Variants in LDLRAD4 observed in about 807,000 individuals in gnomAD.
The protein encoded by LDLRAD4 is low density lipoprotein receptor class A domain containing 4.
A neutral mutation model predicts 17.0 loss-of-function variants in LDLRAD4; 5 were observed. The observed-to-expected ratio is 0.29, with a 90% CI of 0.15 to 0.62. The LOEUF (loss-of-function observed/expected upper bound fraction) is 0.62, where lower values mean the gene tolerates loss of function less well. Ranked by LOEUF, LDLRAD4 falls within the 20% of genes least tolerant of loss-of-function variation. LDLRAD4 has a pLI of 0.84. For synonymous variants in LDLRAD4, 168 were observed against 171.8 expected, an observed-to-expected ratio of 0.98 and a Z score of 0.17; for missense variants, 340 against 424.7, an observed-to-expected ratio of 0.80 and a Z score of 1.75.
At chr18:13,299,131 A>T (rs2046440182) in intron 1 of LDLRAD4, among the ~76,000 whole-genome samples, 1 of 152,150 alleles carries the variant, frequency 6.6e-6, no homozygotes, top group Non-Finnish European at 1.5e-5. Flanking sequence ...AGATCGGAGC[A>T]CCCTTCCCTG....
At chr18:13,312,681 G>T (rs895820287) in intron 1 of LDLRAD4, among the ~76,000 whole-genome samples, 1 of 152,170 alleles carries the variant, frequency 6.6e-6, no homozygotes, top group Admixed American at 6.5e-5. Context: ...GTTCCAGACT[G>T]TAGTGAGCTG....
chr18:13,263,853 T>G (rs1003291139), intron 1 of LDLRAD4, among the ~76,000 whole-genome samples: 3 of 152,152 alleles, frequency 2.0e-5, no homozygotes, highest in Admixed American at 6.5e-5. Flanking sequence ...CATGATTGGG[T>G]GGTAACTGAA....
intron 2 of LDLRAD4, among the ~76,000 whole-genome samples, chr18:13,395,460 C>T (rs546829900): frequency 1.5e-3 from 29 of 19,712 alleles, no homozygotes; most frequent in African/African-American, 6.5e-3. Flanking sequence ...TGGGGGCTGG[C>T]GTGGGGGTGG....
chr18:13,325,757 CTTTTTTTTT>C, intron 1 of LDLRAD4, among the ~76,000 whole-genome samples: 1 of 145,848 alleles, frequency 6.9e-6, no homozygotes, highest in East Asian at 2.0e-4. Flanking sequence ...AACTTTTTTC[CTTTTTTTTT>C]TTTTGAGACG....
At chr18:13,532,834 A>C (rs2094148529) in intron 3 of LDLRAD4, among the ~76,000 whole-genome samples, 1 of 152,180 alleles carries the variant, frequency 6.6e-6, no homozygotes, top group African/African-American at 2.4e-5. Context: ...GTGTGATGGC[A>C]TGCCTGGCCC....
chr18:13,297,812 A>G (rs1567979630), intron 1 of LDLRAD4, among the ~76,000 whole-genome samples: 1 of 152,222 alleles, frequency 6.6e-6, no homozygotes, highest in Non-Finnish European at 1.5e-5. Context: ...ACAAAAAATA[A>G]TAAGTCCAGT....
upstream of LDLRAD4, among the ~76,000 whole-genome samples, chr18:13,218,366 C>T (rs1461673448): frequency 6.6e-6 from 1 of 152,162 alleles, no homozygotes; most frequent in Non-Finnish European, 1.5e-5. Flanking sequence ...AGGGACTTCG[C>T]CGACCCCCAC....
intron 3 of LDLRAD4, among the ~76,000 whole-genome samples, chr18:13,619,647 A>G (rs112137993): frequency 1.1e-3 from 161 of 152,232 alleles, no homozygotes; most frequent in Admixed American, 3.9e-3. Context: ...CTTAGCGGAC[A>G]GGCCACGGGG....
chr18:13,322,760 G>A (rs2081324474), intron 1 of LDLRAD4, among the ~76,000 whole-genome samples: 1 of 149,880 alleles, frequency 6.7e-6, no homozygotes, highest in Non-Finnish European at 1.5e-5. Context: ...TGGGACTACA[G>A]GTATACACCA....
intron 1 of LDLRAD4, among the ~76,000 whole-genome samples, chr18:13,295,398 C>T (rs951345091): frequency 6.6e-6 from 1 of 152,150 alleles, no homozygotes; most frequent in Non-Finnish European, 1.5e-5. Flanking sequence ...GTGCCCGAGC[C>T]CAGGGAATAC....
intron 3 of LDLRAD4, among the ~76,000 whole-genome samples, chr18:13,606,185 A>G (rs1786501): frequency 0.42 from 64,502 of 152,062 alleles, 13,729 homozygotes; most frequent in Non-Finnish European, 0.45. Flanking sequence ...CTCTATAAAA[A>G]CTTTATACTG....
intron 4 of LDLRAD4, among the ~76,000 whole-genome samples, chr18:13,641,318 T>G (rs561536862): frequency 4.0e-5 from 6 of 151,836 alleles, no homozygotes; most frequent in Admixed American, 1.3e-4. Context: ...GAGAGAGAGA[T>G]ACAGATATTT....
At chr18:13,586,242 T>C (rs892776186) in intron 3 of LDLRAD4, among the ~76,000 whole-genome samples, 12 of 151,364 alleles carry the variant, frequency 7.9e-5, no homozygotes, top group Non-Finnish European at 1.5e-4. Context: ...ACCCCGTCTC[T>C]ACTAAAAATA....
intron 1 of LDLRAD4, among the ~76,000 whole-genome samples, chr18:13,325,648 C>G (rs892751530): frequency 1.3e-5 from 2 of 152,236 alleles, no homozygotes; most frequent in African/African-American, 2.4e-5. Context: ...AGGCCGATCC[C>G]GGCACTCAGC....
intron 1 of LDLRAD4, among the ~76,000 whole-genome samples, chr18:13,384,259 A>G (rs1158043382): frequency 6.6e-6 from 1 of 152,228 alleles, no homozygotes; most frequent in Non-Finnish European, 1.5e-5. Context: ...TGTGGGATGT[A>G]TGATAACTTC....
intron 1 of LDLRAD4, among the ~76,000 whole-genome samples, chr18:13,359,515 GAAAA>G (rs953835706): frequency 1.4e-5 from 2 of 146,942 alleles, no homozygotes; most frequent in Non-Finnish European, 3.0e-5. Context: ...AGACAACTTG[GAAAA>G]AAAAAAGCCA....
chr18:13,595,673 T>A (rs546518001), intron 3 of LDLRAD4, among the ~76,000 whole-genome samples: 91 of 152,340 alleles, frequency 6.0e-4, no homozygotes, highest in Admixed American at 1.0e-3. Flanking sequence ...TTTAAATGTG[T>A]ATGTTGTTTA....
At chr18:13,368,550 A>G (rs2084238721) in intron 1 of LDLRAD4, among the ~76,000 whole-genome samples, 1 of 152,128 alleles carries the variant, frequency 6.6e-6, no homozygotes, top group African/African-American at 2.4e-5. Context: ...GATTTTATCC[A>G]TCCATTACTC....
chr18:13,555,004 A>G (rs1278974206), intron 3 of LDLRAD4, among the ~76,000 whole-genome samples: 1 of 152,114 alleles, frequency 6.6e-6, no homozygotes, highest in Non-Finnish European at 1.5e-5. Context: ...CCTCTCCCAA[A>G]CCCTTAAAGT....
Sources: gnomAD v4.1 joint callset for allele counts (sites outside exome capture counted in the v4.1 genomes callset) on GRCh38, gnomAD v4.1.1 for gene constraint, MANE v1.5 for transcripts, NCBI Gene and HGNC (gene_info 2026-07-23, HGNC 2026-07-21) for gene names.